EXOC2: variants seen among roughly 807,000 people sequenced by gnomAD.
EXOC2 encodes SEC5-like 1.
Under a neutral mutation model 131.8 loss-of-function variants are expected in EXOC2, and 70 were observed. The observed-to-expected ratio is 0.53, with a 90% CI of 0.44 to 0.65. The LOEUF is 0.65. Among genes scored for constraint, EXOC2 ranks in the 30% least tolerant of loss-of-function variants. The probability of loss-of-function intolerance (pLI) is 0.00; values close to 1 mark genes in which losing one functional copy is unlikely to be tolerated. For synonymous variants in EXOC2, 411 were observed against 398.4 expected (o/e 1.03, Z -0.38); for missense variants, 923 against 1,108.6 (o/e 0.83, Z 2.38).
At chr6:628,864 C>G (rs1229874147) in intron 4 of EXOC2, among the ~76,000 whole-genome samples, 1 of 152,112 alleles carries the variant, frequency 6.6e-6, no homozygotes, top group Non-Finnish European at 1.5e-5. Flanking sequence ...CACTGGAATC[C>G]TTAAACGGCT....
chr6:592,417 C>T (rs2127628322), intron 11 of EXOC2, 52 bp downstream of exon 11: 1 of 1,408,270 alleles, frequency 7.1e-7, no homozygotes. Context: ...TCCCAGAATG[C>T]ATCAAAATGA....
At chr6:631,240 G>A (rs1316898778) in intron 3 of EXOC2, among the ~76,000 whole-genome samples, 1 of 152,316 alleles carries the variant, frequency 6.6e-6, no homozygotes, top group East Asian at 1.9e-4. Context: ...CTTGAGTTCA[G>A]TTCAAGAAAG....
intron 23 of EXOC2, among the ~76,000 whole-genome samples, chr6:517,336 C>A (rs968174261): frequency 5.3e-5 from 8 of 151,650 alleles, no homozygotes; most frequent in African/African-American, 1.9e-4. Flanking sequence ...GAGGGCACAA[C>A]TAAATTAAAA....
intron 1 of EXOC2, among the ~76,000 whole-genome samples, chr6:658,217 T>C (rs1190939533): frequency 6.6e-6 from 1 of 152,182 alleles, no homozygotes; most frequent in African/African-American, 2.4e-5. Context: ...TGCTTGAATG[T>C]TTCCTGGCCC....
intron 11 of EXOC2, among the ~76,000 whole-genome samples, chr6:590,554 CT>C (rs547257737): frequency 1.7e-3 from 263 of 152,334 alleles, no homozygotes; most frequent in African/African-American, 6.1e-3. Flanking sequence ...GCCATTACTC[CT>C]TTTCATGTCA....
chr6:602,604 C>T (rs1760162026), intron 7 of EXOC2, among the ~76,000 whole-genome samples: 1 of 152,244 alleles, frequency 6.6e-6, no homozygotes, highest in Non-Finnish European at 1.5e-5. Flanking sequence ...TGACTTTGGC[C>T]TCATAGGCTG....
At chr6:682,042 C>T (rs928426010) in intron 1 of EXOC2, among the ~76,000 whole-genome samples, 1 of 152,124 alleles carries the variant, frequency 6.6e-6, no homozygotes, top group Non-Finnish European at 1.5e-5. Context: ...CAATTAGCAC[C>T]GGCATTGGTG....
chr6:556,388 A>G, intron 18 of EXOC2, 96 bp downstream of exon 18: 1 of 1,230,256 alleles, frequency 8.1e-7, no homozygotes, highest in Admixed American at 2.0e-5. Flanking sequence ...GCGAAGAGGG[A>G]GAAAAGATCT....
At chr6:626,885 G>A (rs573190835) in intron 4 of EXOC2, among the ~76,000 whole-genome samples, 2 of 152,206 alleles carry the variant, frequency 1.3e-5, no homozygotes, top group South Asian at 2.1e-4. Context: ...GAGCCACCAC[G>A]CCCGGCCGCA....
Position 486,246 on chromosome 6 carries a change from C to T in EXOC2, c.*425G>A, listed in dbSNP as rs1763036206. The T allele has an allele frequency of 6.2e-6, 1 of 160,638 alleles. No individual in the cohort carries two copies. 10.0% of individuals were successfully genotyped at this position (160,638 alleles called of 1,614,324 possible). On this transcript the variant is annotated 3_prime_UTR_variant, in exon 28 of 28. Transcript: ENST00000230449. ...AGGACAGTAAGAGCTCCAAAGATGT[C>T]TACATAGCTTTCCAAATCTCGTATC...
At chr6:537,808 G>A (rs139384391) in intron 22 of EXOC2, among the ~76,000 whole-genome samples, 1 of 152,308 alleles carries the variant, frequency 6.6e-6, no homozygotes, top group East Asian at 1.9e-4. Flanking sequence ...AATTAATTTG[G>A]AGCAAAAGAA....
chr6:601,096 A>T (rs1391040375), intron 7 of EXOC2, among the ~76,000 whole-genome samples: 1 of 152,236 alleles, frequency 6.6e-6, no homozygotes, highest in Non-Finnish European at 1.5e-5. Flanking sequence ...TACTAATAAG[A>T]AAACAAAACT....
intron 12 of EXOC2, among the ~76,000 whole-genome samples, chr6:575,850 TA>T (rs1432441705): frequency 6.6e-6 from 1 of 152,222 alleles, no homozygotes; most frequent in African/African-American, 2.4e-5. Context: ...CCACAGAATG[TA>T]GGAGCAAACG....
At chr6:578,326 G>A (rs1758697105) in intron 11 of EXOC2, among the ~76,000 whole-genome samples, 2 of 152,154 alleles carry the variant, frequency 1.3e-5, no homozygotes, top group African/African-American at 4.8e-5. Context: ...CGCATGTGAG[G>A]AATTGCAGGC....
In EXOC2 at chr6:486,552, AG is replaced by A. The variant is rs1347845313; in HGVS notation, c.*118del. The A allele has an allele frequency of 3.4e-6, 3 of 879,918 alleles. No homozygotes were observed. The highest frequency in any genetic ancestry group is 3.4e-5 in the African/African-American group (2 of 59,598). 54.5% of individuals were successfully genotyped at this position (879,918 alleles called of 1,614,324 possible). ...ACCAACAATTTTCGAAGTCAGAGGA[AG>A]AAAAAAGAGAAAAATGGCAAACCCA... On this transcript the variant is annotated 3_prime_UTR_variant, in exon 28 of 28. Coordinates refer to ENST00000230449, the MANE Select transcript of EXOC2 (RefSeq NM_018303.6).
rs1360285313 is a variant in EXOC2, at chr6:521,221, A to G, written c.2380+11248T>C. The stretch of plus-strand genomic sequence containing the variant: ...CCGTCCACACTCGGAGATGAAAACC[A>G]CCACCCACTGAGCACCGACACGCAC... On this transcript the variant is annotated intron_variant, in intron 23 of 27. Coordinates refer to ENST00000230449, the MANE Select transcript of EXOC2 (RefSeq NM_018303.6). 4.1e-5 allele frequency among the ~76,000 whole-genome samples: 6 copies of G among 147,070 alleles called. No homozygotes were observed. The East Asian group carries it at 1.2e-3, about 30-fold the overall frequency.
chr6:589,303 C>G (rs1437307541), intron 11 of EXOC2, among the ~76,000 whole-genome samples: 2 of 151,244 alleles, frequency 1.3e-5, no homozygotes, highest in East Asian at 3.9e-4. Flanking sequence ...GTCTCAATGC[C>G]GATCCAGAGA....
chr6:529,399 G>GC (rs199557585), intron 23 of EXOC2, among the ~76,000 whole-genome samples: 1 of 110,360 alleles, frequency 9.1e-6, no homozygotes, highest in East Asian at 2.5e-4. Flanking sequence ...CTGAGAGAGG[G>GC]CTGGCAAAGA....
At chr6:499,107 G>T (rs1763895772) in intron 24 of EXOC2, among the ~76,000 whole-genome samples, 1 of 152,032 alleles carries the variant, frequency 6.6e-6, no homozygotes, top group Admixed American at 6.6e-5. Context: ...TTTTCGCATG[G>T]CCCAGAAGCA....
Sources: allele counts gnomAD v4.1 joint callset (sites outside exome capture counted in the v4.1 genomes callset), GRCh38; gene constraint gnomAD v4.1.1; transcripts MANE v1.5; gene names NCBI Gene and HGNC (gene_info 2026-07-23, HGNC 2026-07-21).